SEC14L3: variants seen among roughly 807,000 people sequenced by gnomAD.
The protein encoded by SEC14L3 is SEC14-like protein 3.
In SEC14L3, 56 loss-of-function variants were observed where a neutral mutation model predicts 57.4. That is an observed-to-expected ratio of 0.97 (90% CI 0.79 to 1.22). The LOEUF (loss-of-function observed/expected upper bound fraction) is 1.22, where lower values mean the gene tolerates loss of function less well. Among genes scored for constraint, SEC14L3 ranks in the 50% most tolerant of loss-of-function variants. The pLI, the probability that SEC14L3 is intolerant of heterozygous loss-of-function variation, is 0.00. For synonymous variants in SEC14L3, 173 were observed against 194.4 expected (o/e 0.89, Z 0.92); for missense variants, 485 against 511.7 (o/e 0.95, Z 0.50).
chr22:30,454,776 TTATTATA>T (rs1298663203), downstream of SEC14L3, among the ~76,000 whole-genome samples: 4 of 79,040 alleles, frequency 5.1e-5, no homozygotes, highest in East Asian at 4.4e-4. Flanking sequence ...ATATAATATA[TTATTATA>T]TATTATATAT....
In SEC14L3 at chr22:30,461,623, C is replaced by T. The variant is rs776456720; in HGVS notation, c.843G>A (p.Ser281=). Residue 281 remains serine (S), a synonymous_variant, in exon 10 of 12, where the codon TCG becomes TCA. Coordinates refer to ENST00000215812, the MANE Select transcript of SEC14L3 (RefSeq NM_174975.5). ...GTGATGAGCCGCGGTTGATCTGCACCGAGTGCTCGTACTGAGTCTTCACCT... is the reference window on the plus strand; with the variant it reads ...GTGATGAGCCGCGGTTGATCTGCACTGAGTGCTCGTACTGAGTCTTCACCT... ...RDQVKTQYEH[S]VQINRGSSHQ... 2.4e-5 allele frequency: 39 copies of T among 1,613,910 alleles called. No individual in the cohort carries two copies. In the East Asian group the frequency reaches 3.8e-4, roughly 16 times the overall value.
At chr22:30,450,859 C>T (rs1433073186) in intron 12 of SEC14L3, among the ~76,000 whole-genome samples, 2 of 152,194 alleles carry the variant, frequency 1.3e-5, no homozygotes, top group African/African-American at 4.8e-5. Context: ...TGGGCTCTTC[C>T]TAGCACACAT....
intron 8 of SEC14L3, 81 bp from the exon 9 acceptor site, chr22:30,462,273 A>C (rs1387290599): frequency 1.3e-6 from 2 of 1,501,804 alleles, no homozygotes; most frequent in Middle Eastern, 2.1e-4. Flanking sequence ...GATGACCTGA[A>C]CTGGGGGAGA....
chr22:30,454,482 C>T (rs1423208721), downstream of SEC14L3, among the ~76,000 whole-genome samples: 1 of 140,430 alleles, frequency 7.1e-6, no homozygotes, highest in African/African-American at 2.7e-5. Flanking sequence ...TCTATATAAT[C>T]TATAATAATA....
At chr22:30,461,878 C>T (rs560059972) in intron 9 of SEC14L3, 184 bp from the exon 10 acceptor site, 14 of 487,006 alleles carry the variant, frequency 2.9e-5, no homozygotes, top group South Asian at 8.9e-5. Flanking sequence ...GCTTCCCCTC[C>T]CAGCTCATCC....
intron 12 of SEC14L3, among the ~76,000 whole-genome samples, chr22:30,452,246 C>CTT (rs750537241): frequency 1.6e-4 from 14 of 90,008 alleles, no homozygotes; most frequent in Non-Finnish European, 2.1e-4. Context: ...TTCTTTCTTT[C>CTT]TTTTTTTTTT....
Position 30,461,534 on chromosome 22 carries a change from G to C in SEC14L3, c.911+21C>G, listed in dbSNP as rs372624972. On this transcript the variant is annotated intron_variant, in intron 10 of 11. Coordinates refer to ENST00000215812, the MANE Select transcript of SEC14L3 (RefSeq NM_174975.5). ...GCTGCTCAGCCTGATGGGTCTCTGAGGGGTTAGGGCCTGCCCCTACCTGAG... is the reference window on the plus strand; with the variant it reads ...GCTGCTCAGCCTGATGGGTCTCTGACGGGTTAGGGCCTGCCCCTACCTGAG... The C allele has an allele frequency of 2.4e-5, 38 of 1,613,978 alleles. No individual in the cohort carries two copies. In the African/African-American group the frequency reaches 4.8e-4, roughly 20 times the overall value.
intron 6 of SEC14L3, 78 bp from the exon 7 acceptor site, chr22:30,466,472 G>C (rs1935420244): frequency 6.2e-7 from 1 of 1,605,408 alleles, no homozygotes; most frequent in East Asian, 2.2e-5. Flanking sequence ...ATCTCCTGTT[G>C]GGAGGTTTCA....
At chr22:30,471,612 C>A (rs547962382) in intron 1 of SEC14L3, among the ~76,000 whole-genome samples, 1 of 152,288 alleles carries the variant, frequency 6.6e-6, no homozygotes, top group African/African-American at 2.4e-5. Context: ...GGGTACCTGG[C>A]TGCCAGGTAA....
chr22:30,464,993 TC>T, intron 7 of SEC14L3, 90 bp from the exon 8 acceptor site: 1 of 1,580,778 alleles, frequency 6.3e-7, no homozygotes, highest in African/African-American at 1.3e-5. Flanking sequence ...TACAGAGGAG[TC>T]ATGACTAACC....
chr22:30,462,014 G>T, intron 9 of SEC14L3, 72 bp downstream of exon 9: 2 of 1,464,068 alleles, frequency 1.4e-6, no homozygotes, highest in Non-Finnish European at 1.9e-6. Context: ...AATTGTGGAT[G>T]AATGACTGAG....
chr22:30,455,145 T>TATATATTATATTTAGTATTTA (rs1935094041), downstream of SEC14L3, among the ~76,000 whole-genome samples: 1 of 50,504 alleles, frequency 2.0e-5, no homozygotes, highest in Non-Finnish European at 3.1e-5. Context: ...TAATATTTAA[T>TATATATTATATTTAGTATTTA]ATATATTATA....
intron 5 of SEC14L3, among the ~76,000 whole-genome samples, chr22:30,467,422 T>C (rs1003689222): frequency 3.3e-5 from 5 of 152,254 alleles, no homozygotes; most frequent in Admixed American, 3.3e-4. Context: ...CTGATAAATA[T>C]AAACTGATAT....
In SEC14L3 at chr22:30,464,811, A is replaced by C; in HGVS notation, c.664+9T>G. 1 of 1,613,884 alleles carries C rather than the reference A, an allele frequency of 6.2e-7. No homozygotes were observed. Among genetic ancestry groups the C allele is most frequent in the Non-Finnish European group, 8.5e-7 (1 of 1,179,758 alleles). On this transcript the variant is annotated intron_variant, in intron 8 of 11. Coordinates refer to ENST00000215812, the MANE Select transcript of SEC14L3 (RefSeq NM_174975.5). ...ATAGAGGTCAGGAAATTGAGCTGGC[A>C]CTACTTACTTCCCAACACAATAATT...
chr22:30,468,956 T>C lies in SEC14L3; in HGVS notation c.235-260A>G, dbSNP rs995816048. On this transcript the variant is annotated intron_variant, in intron 4 of 11. Coordinates refer to ENST00000215812, the MANE Select transcript of SEC14L3 (RefSeq NM_174975.5). ...CTGCCCCTGATGTCTCCCGTGTCCCTTTCTGTGGAGAAGAGTCGGGTTTAG... is the reference window on the plus strand; with the variant it reads ...CTGCCCCTGATGTCTCCCGTGTCCCCTTCTGTGGAGAAGAGTCGGGTTTAG... 7.0e-6 allele frequency: 10 copies of C among 1,435,304 alleles called. No homozygotes were observed. The African/African-American group carries it at 1.1e-4, about 16-fold the overall frequency. 88.9% of individuals were successfully genotyped at this position (1,435,304 alleles called of 1,614,324 possible).
At chr22:30,471,048 G>C in intron 1 of SEC14L3, 1 of 321,868 alleles carries the variant, frequency 3.1e-6, no homozygotes, top group Non-Finnish European at 6.0e-6. Flanking sequence ...ACTTTAGGAG[G>C]CTGAGGTTGG....
chr22:30,450,415 G>A (rs1050623025), intron 12 of SEC14L3, among the ~76,000 whole-genome samples: 7 of 152,020 alleles, frequency 4.6e-5, no homozygotes, highest in African/African-American at 1.5e-4. Context: ...AAACAATTCT[G>A]CCTCAGCCTC....
intron 11 of SEC14L3, among the ~76,000 whole-genome samples, 166 bp downstream of exon 11, chr22:30,461,144 T>C (rs1935242343): frequency 6.6e-6 from 1 of 152,228 alleles, no homozygotes; most frequent in African/African-American, 2.4e-5. Flanking sequence ...CAGTAGGTGC[T>C]CATGAATATG....
At chr22:30,453,664 C>T (rs913635474) in intron 12 of SEC14L3, among the ~76,000 whole-genome samples, 7 of 152,202 alleles carry the variant, frequency 4.6e-5, no homozygotes, top group Admixed American at 3.3e-4. Context: ...CCACCCACCT[C>T]GGCCTCCCGA....
Sources: gnomAD v4.1 joint callset for allele counts (sites outside exome capture counted in the v4.1 genomes callset) on GRCh38, gnomAD v4.1.1 for gene constraint, MANE v1.5 for transcripts, NCBI Gene and HGNC (gene_info 2026-07-23, HGNC 2026-07-21) for gene names.